The following ERCC6 variants were observed in gnomAD, a reference collection of about 807,000 sequenced individuals.
ERCC6 encodes the protein DNA excision repair protein ERCC-6.
Under a neutral mutation model 158.7 loss-of-function variants are expected in ERCC6, and 116 were observed. The ratio of observed to expected loss-of-function variants is 0.73; its 90% CI spans 0.63 to 0.85. The LOEUF (loss-of-function observed/expected upper bound fraction) is 0.85. Ranked by LOEUF, ERCC6 falls within the 40% of genes least tolerant of loss-of-function variation. The pLI is 0.00. For synonymous variants in ERCC6, 678 were observed against 659.3 expected (o/e 1.03, Z -0.43); for missense variants, 1,698 against 1,799.4 (o/e 0.94, Z 1.02).
chr10:49,499,670 G>A (rs1029804113), intron 7 of ERCC6, among the ~76,000 whole-genome samples: 4 of 152,048 alleles, frequency 2.6e-5, no homozygotes, highest in Admixed American at 6.6e-5. Context: ...ATAATTTACC[G>A]ACCAATATTT....
chr10:49,479,801 T>C lies in ERCC6; in HGVS notation c.2170-1331A>G, dbSNP rs371095448. On this transcript the variant is annotated intron_variant, in intron 10 of 20. Transcript: ENST00000355832. The stretch of plus-strand genomic sequence containing the variant: ...GCTGTGGCTCCTGCTCTCTCCTGCA[T>C]GCCACCCCATGGAGATGATCTTCTG... Among the ~76,000 whole-genome samples, 3 of 152,332 alleles carry C rather than the reference T, an allele frequency of 2.0e-5. No individual in the cohort carries two copies. In the East Asian group the frequency reaches 5.8e-4, roughly 29 times the overall value.
intron 4 of ERCC6, among the ~76,000 whole-genome samples, chr10:49,527,921 A>G (rs892346619): frequency 1.3e-5 from 2 of 152,236 alleles, no homozygotes; most frequent in Non-Finnish European, 2.9e-5. Flanking sequence ...ATTTTCCCAA[A>G]AAGTTTTCCA....
the ERCC6 span, among the ~76,000 whole-genome samples, chr10:49,445,252 G>A: frequency 5.9e-5 from 9 of 152,192 alleles, no homozygotes; most frequent in African/African-American, 1.9e-4. Context: ...CACATGCAAA[G>A]CATTCCTCAT....
chr10:49,488,461 A>G (rs905129402), intron 8 of ERCC6: 1 of 152,212 alleles, frequency 6.6e-6, no homozygotes, highest in African/African-American at 2.4e-5. Flanking sequence ...AAAGGGCTCC[A>G]GCAACACAAT....
In ERCC6 at chr10:49,479,079, C is replaced by T. The variant is rs546563841; in HGVS notation, c.2170-609G>A. 4.6e-5 allele frequency among the ~76,000 whole-genome samples: 7 copies of T among 151,704 alleles called. No homozygotes were observed. The East Asian group carries it at 1.4e-3, about 29-fold the overall frequency. On this transcript the variant is annotated intron_variant, in intron 10 of 20. Coordinates refer to ENST00000355832, the MANE Select transcript of ERCC6 (RefSeq NM_000124.4). The stretch of plus-strand genomic sequence containing the variant: ...CAGCATATGGTTCTGTAATGGAGCA[C>T]GGCCACATGAGATGAGTACTAAATA...
In ERCC6 at chr10:49,520,209, T is replaced by G. The variant is rs4253056; in HGVS notation, c.1397+3824A>C. Reference sequence around the variant, plus strand: ...CAGTGATCAGAGCCATCTGGGAACATTTTTTAAAAGTCCTGCCCGGTGACC... The same window carrying G: ...CAGTGATCAGAGCCATCTGGGAACAGTTTTTAAAAGTCCTGCCCGGTGACC... On this transcript the variant is annotated intron_variant, in intron 5 of 20. Transcript: ENST00000355832. Among the ~76,000 whole-genome samples the G allele has an allele frequency of 2.5e-3, 386 of 152,308 alleles. 1 individual carries two copies. The highest frequency in any genetic ancestry group is 9.0e-3 in the African/African-American group (372 of 41,560).
intron 8 of ERCC6, among the ~76,000 whole-genome samples, chr10:49,492,403 T>C (rs924596473): frequency 2.0e-5 from 3 of 152,216 alleles, no homozygotes; most frequent in Non-Finnish European, 4.4e-5. Context: ...TGCGTGATTA[T>C]TATTTATTCA....
intron 8 of ERCC6, among the ~76,000 whole-genome samples, chr10:49,485,919 C>T (rs1851069091): frequency 6.6e-6 from 1 of 152,090 alleles, no homozygotes; most frequent in African/African-American, 2.4e-5. Flanking sequence ...AAAACCTAGC[C>T]TTCTGTTTAA....
rs1387291861 is a variant in ERCC6 at position 49,524,096 on chromosome 10, C to T, written c.1334G>A (p.Gly445Glu). Residue 445 changes from glycine (G) to glutamate (E), a missense_variant, in exon 5 of 21, where the codon GGA becomes GAA. By Grantham distance (98) the Gly-to-Glu change is moderately conservative (BLOSUM62 -2). Coordinates refer to ENST00000355832, the MANE Select transcript of ERCC6 (RefSeq NM_000124.4). ...EAASVGEGGG[G>E]GRKVGRYRDD... ...TCGGTATCTTCCCACTTTCCGACCT[C>T]CTCCTCCTCCTTCTCCTACAGAAGC... The T allele has an allele frequency of 2.5e-6, 4 of 1,612,918 alleles. No homozygotes were observed. The highest frequency in any genetic ancestry group is 2.5e-6 in the Non-Finnish European group (3 of 1,179,054).
At chr10:49,435,871 C>A in the ERCC6 span, among the ~76,000 whole-genome samples, 1 of 151,852 alleles carries the variant, frequency 6.6e-6, no homozygotes, top group Non-Finnish European at 1.5e-5. Flanking sequence ...TGGTGGCAGG[C>A]GCCTGTCATC....
downstream of ERCC6, among the ~76,000 whole-genome samples, chr10:49,451,552 A>G (rs1322808934): frequency 6.6e-6 from 1 of 152,126 alleles, no homozygotes; most frequent in Admixed American, 6.5e-5. Flanking sequence ...TTTTTATTAT[A>G]TTGATATAAT....
At chr10:49,505,260 A>G (rs1851424177) in intron 6 of ERCC6, 1 of 152,618 alleles carries the variant, frequency 6.6e-6, no homozygotes, top group African/African-American at 2.4e-5. Flanking sequence ...GAACACATCT[A>G]TCAGGCAGCA....
intron 5 of ERCC6, among the ~76,000 whole-genome samples, chr10:49,518,167 A>G (rs1837041534): frequency 6.6e-6 from 1 of 152,200 alleles, no homozygotes; most frequent in South Asian, 2.1e-4. Flanking sequence ...AGACAATAAA[A>G]TGGAGACAGG....
In ERCC6 at chr10:49,471,000, G is replaced by T. The variant is rs759542213; in HGVS notation, c.3045C>A (p.Ser1015Arg). 3.1e-6 allele frequency: 5 copies of T among 1,613,930 alleles called. No individual in the cohort carries two copies. The highest frequency in any genetic ancestry group is 4.2e-6 in the Non-Finnish European group (5 of 1,180,026). ...CTGCAAAAATTGCACTTGTTTCAGT[G>T]CTCTGGGATGCATCAGGACTAGTCA... ...FTLTSPDASQ[S>R]TETSAIFAGT... Residue 1015 changes from serine (S) to arginine (R), a missense_variant, in exon 17 of 21, where the codon AGC (serine) becomes AGA (arginine). By Grantham distance (110) the Ser-to-Arg change is moderately radical. Transcript: ENST00000355832.
In ERCC6 at chr10:49,532,539, T is replaced by C; in HGVS notation, c.422+4A>G. On this transcript the variant is annotated splice_donor_region_variant and intron_variant, in intron 2 of 20. Coordinates refer to ENST00000355832, the MANE Select transcript of ERCC6 (RefSeq NM_000124.4). ...TTGAAAGGAAGAAGATGGGCTGCAC[T>C]CACGTGAGGTCATCCAGGACCGACC... The C allele has an allele frequency of 6.2e-7, 1 of 1,613,610 alleles. No homozygotes were observed. Among genetic ancestry groups the C allele is most frequent in the Non-Finnish European group, 8.5e-7 (1 of 1,180,014 alleles).
rs980069928 is a variant in ERCC6 at position 49,458,597 on chromosome 10, C to A, written c.*218G>T. 9.4e-6 allele frequency: 5 copies of A among 530,180 alleles called. No individual in the cohort carries two copies. Among genetic ancestry groups the A allele is most frequent in the South Asian group, 2.3e-5 (1 of 42,632 alleles). The allele number at this position is 530,180 out of a possible 1,614,324, so 32.8% of individuals were successfully genotyped here. A position where few individuals can be genotyped will look rare whatever the true frequency, so the allele number is the denominator to read the frequency against. On this transcript the variant is annotated 3_prime_UTR_variant, in exon 21 of 21. Coordinates refer to ENST00000355832, the MANE Select transcript of ERCC6 (RefSeq NM_000124.4). ...ATTAGATTGCCAAAAAAAAAAAAAT[C>A]AATCCAAGTATTTTCTCCTTTAGCT... is the stretch of plus-strand genomic sequence containing the variant.
intron 19 of ERCC6, among the ~76,000 whole-genome samples, chr10:49,460,693 G>A (rs1318925950): frequency 1.3e-5 from 2 of 152,158 alleles, no homozygotes; most frequent in African/African-American, 4.8e-5. Context: ...GGCTGAGGCA[G>A]GCAGATCACT....
chr10:49,517,077 AG>A, intron 5 of ERCC6: 1 of 1,606,566 alleles, frequency 6.2e-7, no homozygotes, highest in African/African-American at 1.3e-5. Context: ...TGTCTCTAAA[AG>A]GTCAGTTATT....
Position 49,461,564 on chromosome 10 carries a change from GA to G in ERCC6, c.3779-9del. 6.2e-7 allele frequency: 1 copy of G among 1,610,232 alleles called. No homozygotes were observed. Among genetic ancestry groups the G allele is most frequent in the Non-Finnish European group, 8.5e-7 (1 of 1,178,088 alleles). ...TGACACTGTGCACGCCAACTAGCAA[GA>G]AAAGAAATAGCAAAGTGATATTTCA... On this transcript the variant is annotated splice_polypyrimidine_tract_variant and intron_variant, in intron 18 of 20. Transcript: ENST00000355832.
Sources: gnomAD v4.1 joint callset for allele counts (sites outside exome capture counted in the v4.1 genomes callset) on GRCh38, gnomAD v4.1.1 for gene constraint, MANE v1.5 for transcripts, NCBI Gene and HGNC (gene_info 2026-07-23, HGNC 2026-07-21) for gene names.